Variants in RGS7 observed in about 807,000 individuals in gnomAD.
RGS7 encodes the protein regulator of G protein signaling 7.
RGS7 carries 27 observed loss-of-function variants against 81.1 expected under a neutral mutation model. The ratio of observed to expected loss-of-function variants is 0.33; its 90% confidence interval spans 0.25 to 0.46. The LOEUF is 0.46. RGS7 is among the 20% of genes least tolerant of loss of function. The pLI is 1.00. For synonymous variants in RGS7, 208 were observed against 207.7 expected (o/e 1.00, Z -0.01); for missense variants, 396 against 607.4 (o/e 0.65, Z 3.66).
At chr1:240,988,538 C>T (rs1489469628) in intron 3 of RGS7, among the ~76,000 whole-genome samples, 6 of 152,142 alleles carry the variant, frequency 3.9e-5, no homozygotes, top group Non-Finnish European at 7.3e-5. Flanking sequence ...AACTAAATTT[C>T]TCCACAATCT....
intron 2 of RGS7, among the ~76,000 whole-genome samples, chr1:241,140,355 G>C (rs773703507): frequency 6.6e-6 from 1 of 152,110 alleles, no homozygotes; most frequent in Non-Finnish European, 1.5e-5. Context: ...TTGGGTGACT[G>C]GTCCCTTATT....
At chr1:240,792,956 T>C (rs1199212764) in intron 18 of RGS7, among the ~76,000 whole-genome samples, 1 of 152,268 alleles carries the variant, frequency 6.6e-6, no homozygotes, top group Non-Finnish European at 1.5e-5. Flanking sequence ...TGCTCTTGGT[T>C]TGTAAACTTA....
At chr1:240,870,431 C>A (rs1000651149) in intron 6 of RGS7, among the ~76,000 whole-genome samples, 1 of 152,078 alleles carries the variant, frequency 6.6e-6, no homozygotes, top group Non-Finnish European at 1.5e-5. Context: ...CCACACACTC[C>A]TAGGCTCAAT....
At chr1:240,923,458 AT>A (rs1673918581) in intron 6 of RGS7, among the ~76,000 whole-genome samples, 1 of 151,958 alleles carries the variant, frequency 6.6e-6, no homozygotes, top group Admixed American at 6.6e-5. Context: ...ATTTTGTTTA[AT>A]TTTCTGTAAA....
chr1:241,071,280 G>T (rs1364501211), intron 3 of RGS7, among the ~76,000 whole-genome samples: 1 of 152,196 alleles, frequency 6.6e-6, no homozygotes, highest in East Asian at 1.9e-4. Context: ...AAAATGAAAA[G>T]AAATCCATTC....
At chr1:240,934,302 G>A (rs1676219064) in intron 5 of RGS7, among the ~76,000 whole-genome samples, 2 of 152,152 alleles carry the variant, frequency 1.3e-5, no homozygotes, top group Non-Finnish European at 2.9e-5. Flanking sequence ...TTCACTGGAG[G>A]ATTTGTAAAC....
At chr1:240,899,603 A>T (rs1033345608) in intron 6 of RGS7, among the ~76,000 whole-genome samples, 2 of 152,164 alleles carry the variant, frequency 1.3e-5, no homozygotes, top group Non-Finnish European at 2.9e-5. Flanking sequence ...AAGAATGTTG[A>T]ATGTTGGCCC....
At chr1:240,903,659 C>T (rs534008883) in intron 6 of RGS7, among the ~76,000 whole-genome samples, 1 of 152,272 alleles carries the variant, frequency 6.6e-6, no homozygotes, top group South Asian at 2.1e-4. Context: ...CCCCTCCAAG[C>T]CTCATGTTGA....
intron 4 of RGS7, among the ~76,000 whole-genome samples, chr1:240,979,837 G>C (rs935210661): frequency 1.6e-4 from 24 of 152,132 alleles, no homozygotes; most frequent in African/African-American, 5.6e-4. Context: ...TGAAATTCTG[G>C]AAGCAAAGGA....
chr1:240,965,981 G>C lies in RGS7; in HGVS notation c.226+17098C>G, dbSNP rs78038154. Among the ~76,000 whole-genome samples the C allele has an allele frequency of 8.1e-4, 123 of 152,230 alleles. No homozygotes were observed. In the East Asian group the frequency reaches 0.019, roughly 24 times the overall value. On this transcript the variant is annotated intron_variant, in intron 4 of 18. Transcript: ENST00000440928. ...CAGTGGAAATTTACCTATTGTAGAG[G>C]GAGGAGGTGCTCTCTGTGCTTAATA...
intron 2 of RGS7, among the ~76,000 whole-genome samples, chr1:241,344,554 G>C (rs1573772587): frequency 6.6e-6 from 1 of 152,188 alleles, no homozygotes; most frequent in Non-Finnish European, 1.5e-5. Context: ...CTGGATTCAC[G>C]TTAAGTGCAT....
chr1:241,203,945 T>G (rs924344411), intron 2 of RGS7, among the ~76,000 whole-genome samples: 4 of 152,178 alleles, frequency 2.6e-5, no homozygotes, highest in Admixed American at 2.6e-4. Context: ...CAGTAAAAAC[T>G]TATCTTCCCG....
intron 2 of RGS7, among the ~76,000 whole-genome samples, chr1:241,180,337 T>A (rs1479967457): frequency 2.0e-5 from 3 of 151,886 alleles, no homozygotes; most frequent in Non-Finnish European, 4.4e-5. Context: ...ATGGCGCCAC[T>A]GCACTCCAGC....
At position 240,798,468 on chromosome 1, in the gene RGS7, G is replaced by A. The variant is rs561604111; in HGVS notation, c.*6+2173C>T. Among the ~76,000 whole-genome samples, 3 of 152,246 alleles carry A rather than the reference G, an allele frequency of 2.0e-5. No homozygotes were observed. The South Asian group carries it at 6.2e-4, about 32-fold the overall frequency. The stretch of plus-strand genomic sequence containing the variant: ...GGAAATGGACTCAGACTGGGGAGGT[G>A]GGTATCATCAGGTGGCAAGGTTTAT... On this transcript the variant is annotated intron_variant, in intron 18 of 18. Transcript: ENST00000440928.
At chr1:240,856,720 T>G (rs1168030119) in intron 9 of RGS7, among the ~76,000 whole-genome samples, 1 of 152,176 alleles carries the variant, frequency 6.6e-6, no homozygotes, top group African/African-American at 2.4e-5. Context: ...ATTTTGAATT[T>G]TTAGCATTCT....
chr1:240,824,421 C>T (rs576346197), intron 10 of RGS7, among the ~76,000 whole-genome samples: 1 of 152,306 alleles, frequency 6.6e-6, no homozygotes, highest in East Asian at 1.9e-4. Context: ...AGATGGAGGC[C>T]GACCACACAG....
At chr1:241,030,361 C>CATATATATATATATATATATATATAT (rs370562497) in intron 3 of RGS7, among the ~76,000 whole-genome samples, 1,648 of 101,358 alleles carry the variant, frequency 0.016, 97 homozygotes, top group Non-Finnish European at 0.02. Context: ...GAACTTATAG[C>CATATATATATATATATATATATATAT]ATATATATAT....
chr1:240,944,337 A>G (rs1678233259), intron 4 of RGS7, among the ~76,000 whole-genome samples: 2 of 115,476 alleles, frequency 1.7e-5, no homozygotes, highest in Non-Finnish European at 3.5e-5. Context: ...TATATATGTT[A>G]GGTGCATAGA....
intron 6 of RGS7, among the ~76,000 whole-genome samples, chr1:240,893,904 G>C (rs998871607): frequency 2.0e-5 from 3 of 152,036 alleles, no homozygotes; most frequent in Non-Finnish European, 4.4e-5. Flanking sequence ...GTGCTTATTT[G>C]GGCATTGATC....
Sources: gnomAD v4.1 joint callset for allele counts (sites outside exome capture counted in the v4.1 genomes callset) on GRCh38, gnomAD v4.1.1 for gene constraint, MANE v1.5 for transcripts, NCBI Gene and HGNC (gene_info 2026-07-23, HGNC 2026-07-21) for gene names.